Variants in PLCG2 observed in about 807,000 individuals in gnomAD.
PLCG2 encodes the protein phospholipase C gamma 2.
A neutral mutation model predicts 175.6 loss-of-function variants in PLCG2; 69 were observed. That is an observed-to-expected ratio of 0.39 (90% CI 0.32 to 0.48). The LOEUF is 0.48. PLCG2 is among the 20% of genes least tolerant of loss of function. The pLI, the probability that PLCG2 is intolerant of heterozygous loss-of-function variation, is 0.91. For missense variants in PLCG2, 1,798 were observed against 1,650.9 expected, an observed-to-expected ratio of 1.09 and a Z score of -1.54; for synonymous variants, 827 against 624.0, an observed-to-expected ratio of 1.33 and a Z score of -4.85.
rs73592942 is a variant in PLCG2, at chr16:81,855,114, G to A, written c.337+527G>A. The stretch of plus-strand genomic sequence containing the variant: ...AGTCACAGCTATTTGAAAGGCTGAG[G>A]CACAAGAATTGCTTGAACCAGTGAG... On this transcript the variant is annotated intron_variant, in intron 3 of 32. Coordinates refer to ENST00000564138, the MANE Select transcript of PLCG2 (RefSeq NM_002661.5). 4.5e-3 allele frequency among the ~76,000 whole-genome samples: 677 copies of A among 150,342 alleles called. 7 individuals are homozygous for A. The highest frequency in any genetic ancestry group is 0.016 in the African/African-American group (664 of 40,860).
chr16:81,800,167 C>G (rs1911658785), intron 2 of PLCG2, among the ~76,000 whole-genome samples: 1 of 152,040 alleles, frequency 6.6e-6, no homozygotes, highest in South Asian at 2.1e-4. Flanking sequence ...GGCAAATATC[C>G]CAAGCACTCT....
At chr16:81,878,547 C>G (rs1021350678) in intron 7 of PLCG2, among the ~76,000 whole-genome samples, 1 of 152,148 alleles carries the variant, frequency 6.6e-6, no homozygotes, top group African/African-American at 2.4e-5. Context: ...TTTATCTGCC[C>G]CCTTTAAAGT....
In PLCG2 at chr16:81,859,652, A is replaced by C. The variant is rs143648148; in HGVS notation, c.479+489A>C. On this transcript the variant is annotated intron_variant, in intron 5 of 32. Coordinates refer to ENST00000564138, the MANE Select transcript of PLCG2 (RefSeq NM_002661.5). Reference sequence around the variant, plus strand: ...TGGGTTCATGCCATTCTCCTGCCTCAGCCTCCCAAGTACCTAGGACTACAG... The same window carrying C: ...TGGGTTCATGCCATTCTCCTGCCTCCGCCTCCCAAGTACCTAGGACTACAG... Among the ~76,000 whole-genome samples the C allele has an allele frequency of 1.3e-3, 199 of 152,030 alleles. 1 individual carries two copies. The highest frequency in any genetic ancestry group is 4.6e-3 in the African/African-American group (190 of 41,472).
intron 5 of PLCG2, among the ~76,000 whole-genome samples, chr16:81,861,932 C>T (rs1305459966): frequency 6.6e-6 from 1 of 152,222 alleles, no homozygotes; most frequent in Non-Finnish European, 1.5e-5. Context: ...TTTTCTGTTT[C>T]TGGACTGAGT....
intron 1 of PLCG2, among the ~76,000 whole-genome samples, chr16:81,781,000 C>G (rs1910703550): frequency 6.6e-6 from 1 of 151,946 alleles, no homozygotes; most frequent in Non-Finnish European, 1.5e-5. Context: ...GCACTCCAGC[C>G]TGGGTGACAA....
At chr16:81,765,950 C>G (rs1469240127) in intron 2 of PLCG2, among the ~76,000 whole-genome samples, 2 of 152,236 alleles carry the variant, frequency 1.3e-5, no homozygotes, top group African/African-American at 4.8e-5. Flanking sequence ...ACCCAGGTAA[C>G]AGATGCAGGC....
intron 2 of PLCG2, among the ~76,000 whole-genome samples, chr16:81,822,237 C>T (rs2143339915): frequency 6.6e-6 from 1 of 152,222 alleles, no homozygotes; most frequent in Non-Finnish European, 1.5e-5. Flanking sequence ...TGAAATAATA[C>T]TCTCCTCCTC....
At chr16:81,751,789 C>T (rs536998330) in intron 1 of PLCG2, among the ~76,000 whole-genome samples, 69 of 152,088 alleles carry the variant, frequency 4.5e-4, no homozygotes, top group South Asian at 2.3e-3. Context: ...TGGGAAGTCA[C>T]GGTGGGTGGA....
At chr16:81,819,186 G>T (rs1229091116) in intron 2 of PLCG2, among the ~76,000 whole-genome samples, 1 of 152,212 alleles carries the variant, frequency 6.6e-6, no homozygotes, top group South Asian at 2.1e-4. Context: ...CAAAGACCTT[G>T]TTGGGTGCCG....
chr16:81,774,717 C>G (rs1018260797), upstream of PLCG2, among the ~76,000 whole-genome samples: 5 of 150,028 alleles, frequency 3.3e-5, no homozygotes, highest in African/African-American at 1.2e-4. Flanking sequence ...GAAAGGAGGT[C>G]TGGGTTTGAA....
chr16:81,786,305 C>T, intron 2 of PLCG2, 123 bp downstream of exon 2: 1 of 809,390 alleles, frequency 1.2e-6, no homozygotes, highest in Non-Finnish European at 1.9e-6. Context: ...TTTTATTCGT[C>T]TTAAAATGAA....
chr16:81,833,112 C>T (rs1330409056), intron 2 of PLCG2, among the ~76,000 whole-genome samples: 2 of 152,074 alleles, frequency 1.3e-5, no homozygotes, highest in East Asian at 1.9e-4. Flanking sequence ...TTCCTGCTGG[C>T]ACCCACCTCG....
chr16:81,839,269 G>A (rs940544175), intron 2 of PLCG2, among the ~76,000 whole-genome samples: 5 of 152,030 alleles, frequency 3.3e-5, no homozygotes, highest in Non-Finnish European at 7.4e-5. Context: ...AACCTTATAA[G>A]GTTGATAAAC....
intron 1 of PLCG2, among the ~76,000 whole-genome samples, chr16:81,752,925 T>C (rs1010956512): frequency 6.6e-6 from 1 of 152,254 alleles, no homozygotes; most frequent in Non-Finnish European, 1.5e-5. Context: ...GCAGGCTGCT[T>C]TTCTCCTTTG....
At chr16:81,815,777 A>G (rs4243215) in intron 2 of PLCG2, among the ~76,000 whole-genome samples, 26,487 of 152,188 alleles carry the variant, frequency 0.17, 2,457 homozygotes, top group Non-Finnish European at 0.21. Flanking sequence ...GCAGTCTTAA[A>G]TGACCAGACA....
chr16:81,925,592 G>A (rs989449082), intron 22 of PLCG2, among the ~76,000 whole-genome samples: 6 of 152,172 alleles, frequency 3.9e-5, no homozygotes, highest in Non-Finnish European at 8.8e-5. Context: ...ACTTGATTAA[G>A]ATCCAGAAAG....
At chr16:81,907,049 A>C (rs1405783327) in intron 15 of PLCG2, among the ~76,000 whole-genome samples, 4 of 151,936 alleles carry the variant, frequency 2.6e-5, no homozygotes, top group Non-Finnish European at 4.4e-5. Context: ...AAAAAAAAAA[A>C]AAAAAACAGT....
At position 81,765,023 on chromosome 16, in the gene PLCG2, G is replaced by T. The variant is rs189114318; in HGVS notation, c.-48+9057G>T. ...AGCATTGGTTTAGCCTAGAGGTGAA[G>T]GCCGCAGTGAACCGTGATCACCCCA... On this transcript the variant is annotated intron_variant, in intron 2 of 5. Coordinates refer to the PLCG2 transcript ENST00000565054. Among the ~76,000 whole-genome samples, 168 of 100,184 alleles carry T rather than the reference G, an allele frequency of 1.7e-3. 1 individual carries two copies. Among genetic ancestry groups the T allele is most frequent in the African/African-American group, 4.8e-3 (158 of 32,714 alleles). The allele number at this position is 100,184 out of a possible 152,430, so 65.7% of individuals were successfully genotyped here.
chr16:81,847,976 G>A (rs1906211265), intron 2 of PLCG2, among the ~76,000 whole-genome samples: 2 of 152,210 alleles, frequency 1.3e-5, no homozygotes, highest in South Asian at 2.1e-4. Context: ...ATCCCAGCAA[G>A]TTATTCTGTG....
Sources: gnomAD v4.1 joint callset for allele counts (sites outside exome capture counted in the v4.1 genomes callset) on GRCh38, gnomAD v4.1.1 for gene constraint, MANE v1.5 for transcripts, NCBI Gene and HGNC (gene_info 2026-07-23, HGNC 2026-07-21) for gene names.